The following PDGFRA variants were observed in gnomAD, a reference collection of about 807,000 sequenced individuals.
The protein encoded by PDGFRA is platelet-derived growth factor receptor alpha.
In PDGFRA, 25 loss-of-function variants were observed where a neutral mutation model predicts 121.5. The observed-to-expected ratio is 0.21, with a 90% CI of 0.15 to 0.29. PDGFRA has a LOEUF of 0.29. PDGFRA is among the 10% of genes least tolerant of loss of function. The pLI is 1.00. For missense variants in PDGFRA, 1,008 were observed against 1,345.1 expected, an observed-to-expected ratio of 0.75 and a Z score of 3.92; for synonymous variants, 463 against 494.8, an observed-to-expected ratio of 0.94 and a Z score of 0.85.
intron 1 of PDGFRA, among the ~76,000 whole-genome samples, chr4:54,241,555 A>ATTTG (rs1397140847): frequency 1.3e-5 from 2 of 150,658 alleles, no homozygotes; most frequent in African/African-American, 4.9e-5. Context: ...TTATTTATTT[A>ATTTG]TGATTTATTT....
intron 1 of PDGFRA, among the ~76,000 whole-genome samples, chr4:54,233,020 C>T (rs1049087964): frequency 1.5e-4 from 22 of 151,386 alleles, no homozygotes; most frequent in African/African-American, 5.3e-4. Context: ...AACCCCTCGG[C>T]CCCTTTCCCC....
At chr4:54,243,189 G>C (rs1721405784) in intron 1 of PDGFRA, among the ~76,000 whole-genome samples, 1 of 152,158 alleles carries the variant, frequency 6.6e-6, no homozygotes. Flanking sequence ...TGAAAGCATT[G>C]CACTGTCTGA....
chr4:54,278,709 G>A (rs1723899581), intron 15 of PDGFRA, 194 bp downstream of exon 15: 1 of 666,606 alleles, frequency 1.5e-6, no homozygotes, highest in African/African-American at 1.8e-5. Context: ...TTTGGACTGG[G>A]GTGTCACATG....
intron 8 of PDGFRA, 102 bp downstream of exon 8, chr4:54,270,850 T>C (rs1330044932): frequency 2.7e-6 from 2 of 733,746 alleles, no homozygotes; most frequent in African/African-American, 1.7e-5. Flanking sequence ...AAGCAGCACT[T>C]AGGGGAGAAG....
chr4:54,274,794 A>G (rs775406774), intron 11 of PDGFRA, 47 bp from the exon 12 acceptor site: 24 of 1,611,236 alleles, frequency 1.5e-5, no homozygotes, highest in Non-Finnish European at 2.0e-5. Context: ...GCTCTGGTGC[A>G]CTGGGACTTT....
At chr4:54,272,262 A>G (rs1723441718) in intron 8 of PDGFRA, 132 bp from the exon 9 acceptor site, 2 of 876,872 alleles carry the variant, frequency 2.3e-6, no homozygotes, top group Admixed American at 3.6e-5. Flanking sequence ...TGTTACTTGT[A>G]CAACTGGTTT....
intron 2 of PDGFRA, among the ~76,000 whole-genome samples, chr4:54,259,795 A>G (rs537007965): frequency 6.6e-6 from 1 of 152,334 alleles, no homozygotes; most frequent in African/African-American, 2.4e-5. Flanking sequence ...TAGTGGTCAT[A>G]TATTGAAGTT....
At chr4:54,289,182 T>C in intron 21 of PDGFRA, 68 bp downstream of exon 21, 1 of 917,310 alleles carries the variant, frequency 1.1e-6, no homozygotes, top group South Asian at 1.3e-5. Context: ...GCTGTGCTGT[T>C]CCGCAGTTCT....
intron 19 of PDGFRA, among the ~76,000 whole-genome samples, 174 bp downstream of exon 19, chr4:54,287,715 T>C (rs1319492092): frequency 6.6e-6 from 1 of 152,192 alleles, no homozygotes; most frequent in Non-Finnish European, 1.5e-5. Context: ...GATAGGCCCA[T>C]GCAGGTGGAG....
rs1724908877 is a variant in PDGFRA at position 54,296,923 on chromosome 4, C to G, written c.*1651C>G. 8.6e-6 allele frequency: 2 copies of G among 233,032 alleles called. No individual in the cohort carries two copies. The highest frequency in any genetic ancestry group is 1.3e-3 in the Middle Eastern group (1 of 786). 14.4% of individuals were successfully genotyped at this position (233,032 alleles called of 1,614,324 possible). On this transcript the variant is annotated 3_prime_UTR_variant, in exon 23 of 23. Transcript: ENST00000257290. ...TGAGAAAGCTAAAGTTTGGTTTTGA[C>G]AGGTTTTCCAAAAGTAAAGATGCTA...
rs368624739 is a variant in PDGFRA, at chr4:54,274,815, C to A, written c.1654-26C>A. 1.2e-5 allele frequency: 20 copies of A among 1,613,660 alleles called. No homozygotes were observed. The African/African-American group carries it at 2.3e-4, about 18-fold the overall frequency. On this transcript the variant is annotated intron_variant, in intron 11 of 22. Transcript: ENST00000257290. ...GTGCACTGGGACTTTGGTAATTCAC[C>A]AGTTACCTGTCCTGGTCATTTATAG... is the stretch of plus-strand genomic sequence containing the variant.
Position 54,267,302 on chromosome 4 carries a change from T to C in PDGFRA, c.773T>C (p.Ile258Thr). ...CTTTTGCTGTAGAAAGGCAAAGGCA[T>C]CACAATGCTGGAAGAAATCAAAGTC... Reference protein sequence around the residue: ...TYPGEVKGKGITMLEEIKVPS... With the variant: ...TYPGEVKGKGTTMLEEIKVPS... The change falls in exon 6 of 23, where the codon ATC (isoleucine) becomes ACC (threonine). Residue 258 changes from isoleucine (I) to threonine (T), a missense_variant. Physicochemically the swap from Ile to Thr is moderately conservative, Grantham distance 89. This residue lies in a region of PDGFRA where 575 missense variants were observed against 701.8 expected (regional missense o/e 0.82). Transcript: ENST00000257290. The C allele has an allele frequency of 6.2e-7, 1 of 1,614,156 alleles. No individual in the cohort carries two copies. The highest frequency in any genetic ancestry group is 8.5e-7 in the Non-Finnish European group (1 of 1,180,014).
Position 54,296,056 on chromosome 4 carries a change from A to G in PDGFRA, c.*784A>G, listed in dbSNP as rs139368669. 150 of 232,604 alleles carry G rather than the reference A, an allele frequency of 6.4e-4. No homozygotes were observed. Among genetic ancestry groups the G allele is most frequent in the African/African-American group, 3.1e-3 (143 of 45,432 alleles). 14.4% of individuals were successfully genotyped at this position (232,604 alleles called of 1,614,324 possible). ...GAGTTTGACAGTTTTTGACATTTATATTAAATAACATGTTTCTCTATAAAG... is the reference window on the plus strand; with the variant it reads ...GAGTTTGACAGTTTTTGACATTTATGTTAAATAACATGTTTCTCTATAAAG... On this transcript the variant is annotated 3_prime_UTR_variant, in exon 23 of 23. Transcript: ENST00000257290.
At chr4:54,240,743 G>C (rs1351755413) in intron 1 of PDGFRA, among the ~76,000 whole-genome samples, 2 of 152,174 alleles carry the variant, frequency 1.3e-5, no homozygotes, top group Non-Finnish European at 2.9e-5. Context: ...CGTCACTAGG[G>C]TGCCTTTTAG....
At position 54,257,407 on chromosome 4, in the gene PDGFRA, T is replaced by C. The variant is rs116811831; in HGVS notation, c.-12-1350T>C. On this transcript the variant is annotated intron_variant, in intron 1 of 22. Transcript: ENST00000257290. The stretch of plus-strand genomic sequence containing the variant: ...GTAGCCACCCTTTTTTATTCCTTTA[T>C]TTTCTTAATAAATTTGCTTGAATTC... Among the ~76,000 whole-genome samples, 604 of 152,326 alleles carry C rather than the reference T, an allele frequency of 4.0e-3. 2 individuals carry two copies. The highest frequency in any genetic ancestry group is 0.013 in the African/African-American group (551 of 41,570).
chr4:54,277,064 G>GT, intron 12 of PDGFRA: 1 of 405,330 alleles, frequency 2.5e-6, no homozygotes, highest in Admixed American at 3.7e-5. Flanking sequence ...GTGGGTGAGA[G>GT]CCCCGAAGGC....
chr4:54,265,710 C>T (rs543665607), intron 5 of PDGFRA, among the ~76,000 whole-genome samples: 1 of 152,286 alleles, frequency 6.6e-6, no homozygotes, highest in African/African-American at 2.4e-5. Flanking sequence ...CTCTTGGTCA[C>T]TGGAGATTTA....
In PDGFRA at chr4:54,270,713, C is replaced by A. The variant is rs397514549; in HGVS notation, c.1202C>A (p.Ala401Asp). The change falls in exon 8 of 23, where the codon GCT (alanine) becomes GAT (aspartate). Residue 401 changes from alanine (A) to aspartate (D), a missense_variant. Coordinates refer to ENST00000257290, the MANE Select transcript of PDGFRA (RefSeq NM_006206.6). ...HYTIVAQNED[A>D]VKSYTFELLT... ...ACTATTGTAGCTCAAAATGAAGATG[C>A]TGTGAAGAGCTATACTTTTGAACTG... is the stretch of plus-strand genomic sequence containing the variant. 32 of 1,602,902 alleles carry A rather than the reference C, an allele frequency of 2.0e-5. No individual in the cohort carries two copies. The East Asian group carries it at 6.3e-4, about 31-fold the overall frequency.
chr4:54,260,902 T>A (rs574490785), intron 2 of PDGFRA, among the ~76,000 whole-genome samples, 193 bp from the exon 3 acceptor site: 1 of 152,190 alleles, frequency 6.6e-6, no homozygotes, highest in Non-Finnish European at 1.5e-5. Context: ...GTGGAGCTAT[T>A]TGGAACATTT....
Sources: gnomAD v4.1 joint callset for allele counts (sites outside exome capture counted in the v4.1 genomes callset) on GRCh38, gnomAD v4.1.1 for gene constraint, gnomAD v4.1.1 regional missense constraint, MANE v1.5 for transcripts, NCBI Gene and HGNC (gene_info 2026-07-23, HGNC 2026-07-21) for gene names.